The following RFX3 variants were observed in gnomAD, a reference collection of about 807,000 sequenced individuals.
RFX3 encodes regulatory factor X3.
In RFX3, 14 loss-of-function variants were observed where a neutral mutation model predicts 98.6. That is an observed-to-expected ratio of 0.14 (90% CI 0.09 to 0.22). The LOEUF (loss-of-function observed/expected upper bound fraction) is 0.22. RFX3 is among the 10% of genes least tolerant of loss of function. The pLI is 1.00. For missense variants in RFX3, 639 were observed against 926.9 expected, an observed-to-expected ratio of 0.69 and a Z score of 4.03; for synonymous variants, 383 against 328.4, an observed-to-expected ratio of 1.17 and a Z score of -1.80.
At chr9:3,419,533 G>A (rs756921462) in intron 1 of RFX3, among the ~76,000 whole-genome samples, 10 of 152,106 alleles carry the variant, frequency 6.6e-5, no homozygotes, top group African/African-American at 2.4e-4. Context: ...AATCAATATG[G>A]TAATAAAATA....
At chr9:3,319,467 T>C (rs1273241251) in intron 4 of RFX3, among the ~76,000 whole-genome samples, 1 of 152,208 alleles carries the variant, frequency 6.6e-6, no homozygotes, top group Non-Finnish European at 1.5e-5. Flanking sequence ...TAAAGGGTGA[T>C]TCTGCAATCT....
intron 2 of RFX3, among the ~76,000 whole-genome samples, chr9:3,348,195 C>G (rs1834669602): frequency 1.3e-5 from 2 of 152,124 alleles, no homozygotes; most frequent in Admixed American, 6.6e-5. Context: ...TAAACAGCAT[C>G]CTGAAATGTC....
At chr9:3,359,596 C>T (rs1836175171) in intron 2 of RFX3, among the ~76,000 whole-genome samples, 1 of 152,024 alleles carries the variant, frequency 6.6e-6, no homozygotes. Context: ...TATAGAGCAG[C>T]AACATTTTTT....
chr9:3,429,720 T>C (rs895944000), intron 1 of RFX3, among the ~76,000 whole-genome samples: 1 of 152,220 alleles, frequency 6.6e-6, no homozygotes, highest in African/African-American at 2.4e-5. Context: ...AGTGGTACTC[T>C]GGGTAGCTAC....
rs148832982 is a variant in RFX3, at chr9:3,262,562, A to T, written c.1605+373T>A. Among the ~76,000 whole-genome samples the T allele has an allele frequency of 2.0e-3, 300 of 152,340 alleles. 1 individual carries two copies. The highest frequency in any genetic ancestry group is 3.2e-3 in the Non-Finnish European group (219 of 68,036). ...ACAATAATCTAAGACAGGTGTTGTA[A>T]GGTGGGGAAAGTGAAGCCTAGAGCA... On this transcript the variant is annotated intron_variant, in intron 13 of 16. Transcript: ENST00000617270.
At chr9:3,246,532 A>G (rs1820702124) in intron 15 of RFX3, among the ~76,000 whole-genome samples, 1 of 152,214 alleles carries the variant, frequency 6.6e-6, no homozygotes, top group African/African-American at 2.4e-5. Context: ...ATCTTGTTAA[A>G]GAAGTCCTTG....
At position 3,457,034 on chromosome 9, in the gene RFX3, G is replaced by C. The variant is rs371308913; in HGVS notation, c.-8-61438C>G. ...TATGCACCTGTAATCCCAGCTACTT[G>C]GGAGGCTAAGGCAGGAGAATAGCTT... On this transcript the variant is annotated intron_variant, in intron 1 of 16. Transcript: ENST00000617270. 7.3e-4 allele frequency among the ~76,000 whole-genome samples: 110 copies of C among 151,016 alleles called. 1 individual carries two copies. The South Asian group carries it at 0.022, about 30-fold the overall frequency.
In RFX3 at chr9:3,220,693, C is replaced by T. The variant is rs983005329; in HGVS notation, c.*4349G>A. ...CATTTGGATATAGAGTATACTTTAC[C>T]GGTCTAAGTCTAAATAAATGATCTG... On this transcript the variant is annotated 3_prime_UTR_variant, in exon 17 of 17. Coordinates refer to ENST00000617270, the MANE Select transcript of RFX3 (RefSeq NM_001282116.2). 2 of 151,700 alleles carry T rather than the reference C, an allele frequency of 1.3e-5. No homozygotes were observed. The highest frequency in any genetic ancestry group is 2.4e-5 in the African/African-American group (1 of 41,310). The allele number at this position is 151,700 out of a possible 1,614,324, so 9.4% of individuals were successfully genotyped here.
At chr9:3,521,468 C>T (rs1050536278) in intron 1 of RFX3, among the ~76,000 whole-genome samples, 2 of 152,104 alleles carry the variant, frequency 1.3e-5, no homozygotes, top group African/African-American at 4.8e-5. Context: ...AGTGAGTTCA[C>T]ATTCTTAGTG....
chr9:3,460,300 G>A (rs1847571384), intron 1 of RFX3, among the ~76,000 whole-genome samples: 1 of 151,950 alleles, frequency 6.6e-6, no homozygotes, highest in South Asian at 2.1e-4. Flanking sequence ...TTACTAAAAT[G>A]CTCAATTTTC....
At chr9:3,507,986 T>C (rs755995543) in intron 1 of RFX3, among the ~76,000 whole-genome samples, 14 of 151,890 alleles carry the variant, frequency 9.2e-5, no homozygotes, top group Non-Finnish European at 1.6e-4. Context: ...ACTGTGGTTG[T>C]TCTGTGGGAC....
At chr9:3,263,720 T>G (rs758380424) in intron 12 of RFX3, among the ~76,000 whole-genome samples, 1 of 152,226 alleles carries the variant, frequency 6.6e-6, no homozygotes, top group Non-Finnish European at 1.5e-5. Flanking sequence ...TCTCAAAATC[T>G]ACTTTCCATT....
At chr9:3,347,044 G>C (rs1834511540) in intron 2 of RFX3, among the ~76,000 whole-genome samples, 1 of 152,198 alleles carries the variant, frequency 6.6e-6, no homozygotes, top group Non-Finnish European at 1.5e-5. Flanking sequence ...TTCTTGGCCA[G>C]GCACGGTGGC....
At chr9:3,290,887 C>T (rs993383723) in intron 6 of RFX3, among the ~76,000 whole-genome samples, 3 of 152,252 alleles carry the variant, frequency 2.0e-5, no homozygotes, top group South Asian at 4.2e-4. Context: ...ACAACAGAAG[C>T]GGGCCACAGA....
intron 1 of RFX3, among the ~76,000 whole-genome samples, chr9:3,484,216 A>G (rs536278415): frequency 6.6e-6 from 1 of 152,362 alleles, no homozygotes; most frequent in East Asian, 1.9e-4. Context: ...ATGAATATAA[A>G]AGATCATGGA....
At chr9:3,315,258 C>G (rs1017825308) in intron 4 of RFX3, among the ~76,000 whole-genome samples, 1 of 150,928 alleles carries the variant, frequency 6.6e-6, no homozygotes, top group African/African-American at 2.5e-5. Context: ...ACTGAACAAC[C>G]TGCTCCTGAA....
At chr9:3,449,601 T>G (rs548748404) in intron 1 of RFX3, among the ~76,000 whole-genome samples, 1 of 152,268 alleles carries the variant, frequency 6.6e-6, no homozygotes, top group Non-Finnish European at 1.5e-5. Flanking sequence ...GCCCCATGCC[T>G]TAATCCCAGG....
At chr9:3,345,946 G>C (rs1834400334) in intron 3 of RFX3, among the ~76,000 whole-genome samples, 1 of 152,176 alleles carries the variant, frequency 6.6e-6, no homozygotes, top group African/African-American at 2.4e-5. Flanking sequence ...GAGGTGGGCA[G>C]AAGAGTCAGT....
chr9:3,341,106 G>C (rs1285118649), intron 3 of RFX3, among the ~76,000 whole-genome samples: 4 of 152,116 alleles, frequency 2.6e-5, no homozygotes, highest in Non-Finnish European at 5.9e-5. Context: ...CCTTTGTAGG[G>C]ACATGGATGA....
Sources: gnomAD v4.1 joint callset for allele counts (sites outside exome capture counted in the v4.1 genomes callset) on GRCh38, gnomAD v4.1.1 for gene constraint, MANE v1.5 for transcripts, NCBI Gene and HGNC (gene_info 2026-07-23, HGNC 2026-07-21) for gene names.